MGST2: variants seen among roughly 807,000 people sequenced by gnomAD.
MGST2 encodes microsomal glutathione S-transferase 2.
Under a neutral mutation model 16.6 loss-of-function variants are expected in MGST2, and 9 were observed. The ratio of observed to expected loss-of-function variants is 0.54; its 90% CI spans 0.33 to 0.95. The LOEUF is 0.95. MGST2 is among the 40% of genes least tolerant of loss of function. The pLI is 0.03. For synonymous variants in MGST2, 79 were observed against 68.0 expected (o/e 1.16, Z -0.79); for missense variants, 159 against 175.1 (o/e 0.91, Z 0.52).
intron 5 of MGST2, among the ~76,000 whole-genome samples, chr4:139,731,910 A>G (rs943862735): frequency 5.3e-5 from 8 of 152,098 alleles, no homozygotes; most frequent in Admixed American, 2.0e-4. Context: ...ATTTCTAGAC[A>G]CTTCCTTTCC....
intron 1 of MGST2, among the ~76,000 whole-genome samples, chr4:139,673,184 G>A (rs1446849168): frequency 6.6e-6 from 1 of 152,170 alleles, no homozygotes; most frequent in Non-Finnish European, 1.5e-5. Flanking sequence ...GAGACAACTG[G>A]TAAGGAGCTA....
the MGST2 span, among the ~76,000 whole-genome samples, chr4:139,749,594 T>C: frequency 6.6e-6 from 1 of 152,124 alleles, no homozygotes; most frequent in African/African-American, 2.4e-5. Context: ...AAGACATGAG[T>C]CTGTCAGAAC....
intron 1 of MGST2, among the ~76,000 whole-genome samples, chr4:139,673,270 A>G (rs533874074): frequency 1.3e-5 from 2 of 152,320 alleles, no homozygotes; most frequent in South Asian, 4.1e-4. Context: ...CACCCAGCAT[A>G]CAGAAACAAA....
At chr4:139,748,867 C>T in the MGST2 span, among the ~76,000 whole-genome samples, 5 of 152,130 alleles carry the variant, frequency 3.3e-5, no homozygotes. Context: ...CAAACTCAAC[C>T]CGGCTTTGTT....
At chr4:139,746,909 C>T in the MGST2 span, among the ~76,000 whole-genome samples, 1 of 152,032 alleles carries the variant, frequency 6.6e-6, no homozygotes, top group African/African-American at 2.4e-5. Context: ...GGGTTGCTGG[C>T]GTCTGCTGTC....
At chr4:139,709,382 C>T (rs968889925) in intron 5 of MGST2, among the ~76,000 whole-genome samples, 28 of 152,010 alleles carry the variant, frequency 1.8e-4, no homozygotes, top group African/African-American at 6.8e-4. Flanking sequence ...CACGCCCGGC[C>T]AGACAATGGA....
intron 5 of MGST2, among the ~76,000 whole-genome samples, chr4:139,739,285 T>G (rs1729071923): frequency 6.6e-6 from 1 of 152,216 alleles, no homozygotes; most frequent in Non-Finnish European, 1.5e-5. Flanking sequence ...AATGTGAGAA[T>G]GCCACCAGCC....
chr4:139,700,137 T>C (rs1727161128), intron 3 of MGST2, among the ~76,000 whole-genome samples: 2 of 138,040 alleles, frequency 1.4e-5, no homozygotes, highest in Admixed American at 1.4e-4. Flanking sequence ...CTTTTTTTTT[T>C]TTTTTTTTTT....
chr4:139,673,674 A>G (rs8192045), intron 1 of MGST2, among the ~76,000 whole-genome samples: 189 of 152,192 alleles, frequency 1.2e-3, no homozygotes, highest in African/African-American at 4.4e-3. Flanking sequence ...TCGGCCTCCC[A>G]GAATGCTGGA....
At chr4:139,730,070 T>C (rs1421021284) in intron 5 of MGST2, among the ~76,000 whole-genome samples, 1 of 152,244 alleles carries the variant, frequency 6.6e-6, no homozygotes, top group Non-Finnish European at 1.5e-5. Context: ...ATATTACGGC[T>C]TATGGAGCAT....
intron 1 of MGST2, among the ~76,000 whole-genome samples, chr4:139,668,545 AG>A (rs1467094633): frequency 6.7e-6 from 1 of 150,112 alleles, no homozygotes; most frequent in Non-Finnish European, 1.5e-5. Flanking sequence ...TTCTACAAAA[AG>A]TCTTAAGTGT....
At chr4:139,668,698 G>C (rs1285941868) in intron 1 of MGST2, among the ~76,000 whole-genome samples, 1 of 152,024 alleles carries the variant, frequency 6.6e-6, no homozygotes, top group Non-Finnish European at 1.5e-5. Context: ...CTGTGGAGGT[G>C]GGGGACCAGC....
chr4:139,691,757 G>A (rs1243332392), intron 2 of MGST2, among the ~76,000 whole-genome samples: 1 of 152,062 alleles, frequency 6.6e-6, no homozygotes, highest in Non-Finnish European at 1.5e-5. Flanking sequence ...GGAGTGCAGT[G>A]GCGTGATCTC....
At chr4:139,717,970 T>G (rs1317535426) in intron 5 of MGST2, 1 of 152,176 alleles carries the variant, frequency 6.6e-6, no homozygotes, top group East Asian at 1.9e-4. Context: ...ATAAACTACA[T>G]CTCCTTTCTA....
intron 5 of MGST2, among the ~76,000 whole-genome samples, chr4:139,712,597 C>T (rs1198862720): frequency 6.6e-6 from 1 of 152,162 alleles, no homozygotes; most frequent in Non-Finnish European, 1.5e-5. Flanking sequence ...AAAAGCCGAG[C>T]CCTGCCATGG....
downstream of MGST2, chr4:139,704,321 A>G: frequency 1.3e-6 from 1 of 768,538 alleles, no homozygotes; most frequent in Admixed American, 2.3e-5. Flanking sequence ...TGCTTGGGGT[A>G]GGTACATCCA....
At chr4:139,739,607 C>G (rs1206364207) in intron 5 of MGST2, among the ~76,000 whole-genome samples, 3 of 151,006 alleles carry the variant, frequency 2.0e-5, no homozygotes, top group African/African-American at 7.3e-5. Context: ...AAAAATCATG[C>G]CTCCTTAGAC....
Position 139,665,991 on chromosome 4 carries a change from T to G in MGST2, c.-29T>G, listed in dbSNP as rs769075073. ...TCAAGAAGCGCCATTTATCTTCCCG[T>G]GCGCTCTACAAATAGTTCCGTGAGA... On this transcript the variant is annotated 5_prime_UTR_variant, in exon 1 of 5. Transcript: ENST00000265498. 1.9e-6 allele frequency: 3 copies of G among 1,612,888 alleles called. No homozygotes were observed. Among genetic ancestry groups the G allele is most frequent in the African/African-American group, 1.3e-5 (1 of 75,010 alleles).
intron 2 of MGST2, chr4:139,679,119 T>G (rs1023174760): frequency 5.8e-6 from 1 of 172,228 alleles, no homozygotes; most frequent in African/African-American, 2.4e-5. Context: ...CCAGCTCACA[T>G]GCATGCGCCA....
Sources: gnomAD v4.1 joint callset for allele counts (sites outside exome capture counted in the v4.1 genomes callset) on GRCh38, gnomAD v4.1.1 for gene constraint, MANE v1.5 for transcripts, NCBI Gene and HGNC (gene_info 2026-07-23, HGNC 2026-07-21) for gene names.